Variants in ZDHHC20 observed in about 807,000 individuals in gnomAD.
The protein encoded by ZDHHC20 is palmitoyltransferase ZDHHC20.
A neutral mutation model predicts 57.8 loss-of-function variants in ZDHHC20; 43 were observed. The ratio of observed to expected loss-of-function variants is 0.74; its 90% CI spans 0.58 to 0.96. ZDHHC20 has a LOEUF of 0.96. Ranked by LOEUF, ZDHHC20 falls within the 40% of genes least tolerant of loss-of-function variation. ZDHHC20 has a pLI of 0.00. For missense variants in ZDHHC20, 391 were observed against 441.1 expected (o/e 0.89, Z 1.02); for synonymous variants, 157 against 153.0 (o/e 1.03, Z -0.19).
At chr13:21,380,333 C>T (rs994413890) in intron 11 of ZDHHC20, among the ~76,000 whole-genome samples, 4 of 151,372 alleles carry the variant, frequency 2.6e-5, no homozygotes, top group Admixed American at 2.6e-4. Flanking sequence ...CCAAGCTGGT[C>T]TCTAACACTT....
At chr13:21,441,781 G>A (rs566994085) in intron 1 of ZDHHC20, among the ~76,000 whole-genome samples, 74 of 151,768 alleles carry the variant, frequency 4.9e-4, no homozygotes, top group African/African-American at 1.5e-3. Context: ...TTATTCTGCC[G>A]TTTTACTCAA....
chr13:21,378,201 C>A (rs111691868), intron 12 of ZDHHC20, among the ~76,000 whole-genome samples: 23 of 152,184 alleles, frequency 1.5e-4, no homozygotes, highest in Non-Finnish European at 3.1e-4. Context: ...TGCATCAACA[C>A]AAACCTGGCT....
At chr13:21,458,950 T>C in intron 1 of ZDHHC20, 104 bp downstream of exon 1, 4 of 838,778 alleles carry the variant, frequency 4.8e-6, no homozygotes, top group Non-Finnish European at 6.8e-6. Context: ...ACGCCCGGCG[T>C]CCGGCGCTGG....
intron 7 of ZDHHC20, among the ~76,000 whole-genome samples, chr13:21,393,177 CTTTTCTT>C (rs1431438838): frequency 4.2e-5 from 6 of 143,968 alleles, no homozygotes; most frequent in East Asian, 2.0e-4. Context: ...AAGCACATTT[CTTTTCTT>C]TTTTCTTTTT....
At chr13:21,441,121 A>C (rs1883103923) in intron 1 of ZDHHC20, among the ~76,000 whole-genome samples, 1 of 152,176 alleles carries the variant, frequency 6.6e-6, no homozygotes, top group Non-Finnish European at 1.5e-5. Flanking sequence ...CCACTTGTCT[A>C]GCACCAGAAA....
At chr13:21,426,898 G>A (rs777701526) in intron 1 of ZDHHC20, among the ~76,000 whole-genome samples, 5 of 152,084 alleles carry the variant, frequency 3.3e-5, no homozygotes, top group East Asian at 1.9e-4. Context: ...ATGAGCCACC[G>A]CGCCAGGCCC....
chr13:21,426,374 G>A (rs1280976612), intron 1 of ZDHHC20, among the ~76,000 whole-genome samples: 1 of 152,056 alleles, frequency 6.6e-6, no homozygotes, highest in African/African-American at 2.4e-5. Context: ...TTTATAATAT[G>A]TCACCTATTC....
At chr13:21,379,028 T>C (rs948016873) in intron 11 of ZDHHC20, among the ~76,000 whole-genome samples, 5 of 152,190 alleles carry the variant, frequency 3.3e-5, no homozygotes, top group African/African-American at 1.2e-4. Context: ...TAGATTGTTA[T>C]TTTTTAGAGA....
At chr13:21,447,526 C>T (rs960487269) in intron 1 of ZDHHC20, among the ~76,000 whole-genome samples, 10 of 147,302 alleles carry the variant, frequency 6.8e-5, no homozygotes, top group African/African-American at 2.5e-4. Context: ...GCGAGTGATC[C>T]GCCAGCCTTG....
chr13:21,457,642 A>G (rs1885035745), intron 1 of ZDHHC20, among the ~76,000 whole-genome samples: 1 of 152,210 alleles, frequency 6.6e-6, no homozygotes, highest in Admixed American at 6.5e-5. Flanking sequence ...TAAACGTTCT[A>G]TAGGTACAAA....
At chr13:21,393,046 C>T (rs898490639) in intron 7 of ZDHHC20, among the ~76,000 whole-genome samples, 1 of 152,120 alleles carries the variant, frequency 6.6e-6, no homozygotes, top group Non-Finnish European at 1.5e-5. Context: ...GCAAAATTAT[C>T]CTAAACACTA....
intron 10 of ZDHHC20, among the ~76,000 whole-genome samples, chr13:21,382,391 T>G (rs1419532704): frequency 6.6e-6 from 1 of 152,244 alleles, no homozygotes; most frequent in Non-Finnish European, 1.5e-5. Flanking sequence ...CTTTAAAATT[T>G]CATTTAAAAG....
intron 1 of ZDHHC20, among the ~76,000 whole-genome samples, chr13:21,432,761 G>A (rs1882121817): frequency 6.6e-6 from 1 of 152,130 alleles, no homozygotes; most frequent in Non-Finnish European, 1.5e-5. Flanking sequence ...GACCCACCAT[G>A]CCCCCCCATG....
intron 8 of ZDHHC20, 54 bp from the exon 9 acceptor site, chr13:21,387,688 A>C: frequency 8.5e-7 from 1 of 1,170,550 alleles, no homozygotes; most frequent in Non-Finnish European, 1.1e-6. Flanking sequence ...AAATTATAGG[A>C]GGGATGGAAA....
chr13:21,459,045 G>C lies in ZDHHC20; in HGVS notation c.118+9C>G. The C allele has an allele frequency of 3.2e-6, 5 of 1,582,590 alleles. No individual in the cohort carries two copies. Among genetic ancestry groups the C allele is most frequent in the African/African-American group, 1.4e-5 (1 of 71,758 alleles). On this transcript the variant is annotated intron_variant, in intron 1 of 12. Transcript: ENST00000400590. Reference sequence around the variant, plus strand: ...GCGCCCCGCCGCAGTCCCCGGGGACGGTACTCACACACGCAGAGCTCCACC... The same window carrying C: ...GCGCCCCGCCGCAGTCCCCGGGGACCGTACTCACACACGCAGAGCTCCACC...
chr13:21,444,320 A>G (rs2138022221), intron 1 of ZDHHC20, among the ~76,000 whole-genome samples: 1 of 152,278 alleles, frequency 6.6e-6, no homozygotes, highest in South Asian at 2.1e-4. Flanking sequence ...TGGAGAGATA[A>G]ATTGGCGTGC....
intron 3 of ZDHHC20, among the ~76,000 whole-genome samples, chr13:21,415,218 AG>A (rs1765735359): frequency 6.6e-6 from 1 of 152,252 alleles, no homozygotes. Flanking sequence ...CTAAGATTGC[AG>A]AACTACTGGC....
chr13:21,382,703 T>C lies in ZDHHC20; in HGVS notation c.944+217A>G, dbSNP rs1345541235. ...ACTATTAATAAACAAGCATTCTCTT[T>C]CCTACTCGTAAGTGTTCTGGTTTAG... On this transcript the variant is annotated intron_variant, in intron 10 of 12. Coordinates refer to ENST00000400590, the MANE Select transcript of ZDHHC20 (RefSeq NM_001330059.2). Among the ~76,000 whole-genome samples the C allele has an allele frequency of 2.6e-5, 4 of 152,166 alleles. No homozygotes were observed. In the South Asian group the frequency reaches 6.2e-4, roughly 24 times the overall value.
chr13:21,389,811 A>G (rs1593187330), intron 8 of ZDHHC20, among the ~76,000 whole-genome samples: 1 of 152,208 alleles, frequency 6.6e-6, no homozygotes, highest in Admixed American at 6.5e-5. Context: ...TAGATTGATC[A>G]GTTTTGAAAA....
Sources: allele counts gnomAD v4.1 joint callset (sites outside exome capture counted in the v4.1 genomes callset), GRCh38; gene constraint gnomAD v4.1.1; transcripts MANE v1.5; gene names NCBI Gene and HGNC (gene_info 2026-07-23, HGNC 2026-07-21).